AFF3: variants seen among roughly 807,000 people sequenced by gnomAD.
AFF3 encodes the protein AF4/FMR2 family member 3.
In AFF3, 32 loss-of-function variants were observed where a neutral mutation model predicts 129.7. The ratio of observed to expected loss-of-function variants is 0.25; its 90% CI spans 0.19 to 0.33. The LOEUF (loss-of-function observed/expected upper bound fraction) is 0.33. Among genes scored for constraint, AFF3 ranks in the 10% least tolerant of loss-of-function variants. The probability of loss-of-function intolerance (pLI) is 1.00; values close to 1 mark genes in which losing one functional copy is unlikely to be tolerated. For synonymous variants in AFF3, 644 were observed against 635.4 expected (o/e 1.01, Z -0.20); for missense variants, 1,373 against 1,592.0 (o/e 0.86, Z 2.34).
intron 7 of AFF3, among the ~76,000 whole-genome samples, chr2:99,897,211 A>T (rs1694038202): frequency 6.6e-6 from 1 of 152,196 alleles, no homozygotes; most frequent in South Asian, 2.1e-4. Context: ...GATAACAAAG[A>T]CCAATATTTA....
intron 12 of AFF3, 112 bp from the exon 13 acceptor site, chr2:99,649,778 G>T: frequency 8.3e-7 from 1 of 1,199,034 alleles, no homozygotes; most frequent in Non-Finnish European, 1.2e-6. Flanking sequence ...TTGCCATGTG[G>T]CCAAATTTTA....
intron 4 of AFF3, among the ~76,000 whole-genome samples, chr2:100,087,454 T>G (rs1319842786): frequency 2.0e-5 from 3 of 152,036 alleles, no homozygotes; most frequent in Non-Finnish European, 4.4e-5. Context: ...GAAATTACAT[T>G]ATGTGAGAAT....
At chr2:99,794,757 A>G (rs944573198) in intron 8 of AFF3, among the ~76,000 whole-genome samples, 1 of 152,152 alleles carries the variant, frequency 6.6e-6, no homozygotes. Flanking sequence ...TCTCTTCACT[A>G]CAGTCTAGAA....
chr2:100,024,490 C>T (rs529841108), intron 4 of AFF3, among the ~76,000 whole-genome samples: 1 of 151,714 alleles, frequency 6.6e-6, no homozygotes, highest in African/African-American at 2.4e-5. Flanking sequence ...CGCCTGTAAT[C>T]CCAGCTACTC....
intron 8 of AFF3, among the ~76,000 whole-genome samples, chr2:99,756,046 G>A (rs546852743): frequency 1.3e-5 from 2 of 152,304 alleles, no homozygotes; most frequent in Admixed American, 1.3e-4. Context: ...AGTAGGACAC[G>A]GACTTCTCTA....
chr2:99,908,757 A>G (rs1269068195), intron 7 of AFF3, among the ~76,000 whole-genome samples: 5 of 152,208 alleles, frequency 3.3e-5, no homozygotes, highest in African/African-American at 4.8e-5. Context: ...GAGAAATGCA[A>G]ATCAAAACCA....
intron 7 of AFF3, among the ~76,000 whole-genome samples, chr2:99,952,193 T>G (rs996283890): frequency 5.3e-5 from 8 of 152,152 alleles, no homozygotes; most frequent in Non-Finnish European, 1.0e-4. Context: ...CTGCTGTTCT[T>G]GTGACAGTGA....
At chr2:99,626,430 TCCC>T (rs1682570123) in intron 13 of AFF3, among the ~76,000 whole-genome samples, 1 of 94,452 alleles carries the variant, frequency 1.1e-5, no homozygotes, top group Admixed American at 1.3e-4. Flanking sequence ...TTCTCTCTCC[TCCC>T]TCCCTCTCCT....
Position 100,112,712 on chromosome 2 carries a change from A to C in AFF3, c.-144-7129T>G, listed in dbSNP as rs549836968. On this transcript the variant is annotated intron_variant, in intron 2 of 24. Transcript: ENST00000672756. Reference sequence around the variant, plus strand: ...CTCCAATGGAAGAAAAAAAGAAAGAAGCTGCACAATGGGAGGTAGAAAGCA... The same window carrying C: ...CTCCAATGGAAGAAAAAAAGAAAGACGCTGCACAATGGGAGGTAGAAAGCA... Among the ~76,000 whole-genome samples, 4 of 152,194 alleles carry C rather than the reference A, an allele frequency of 2.6e-5. No individual in the cohort carries two copies. In the South Asian group the frequency reaches 8.3e-4, roughly 32 times the overall value.
intron 2 of AFF3, among the ~76,000 whole-genome samples, chr2:100,117,589 A>T (rs992081161): frequency 9.9e-5 from 15 of 152,192 alleles, no homozygotes; most frequent in Admixed American, 5.2e-4. Context: ...TGACTCTTTT[A>T]CGTGGAGCGC....
chr2:100,055,652 T>C (rs1170962296), intron 4 of AFF3, among the ~76,000 whole-genome samples: 1 of 152,138 alleles, frequency 6.6e-6, no homozygotes, highest in Admixed American at 6.5e-5. Context: ...AAACTTTGTC[T>C]GTTAAAGAGC....
At chr2:100,029,194 A>G (rs1209309594) in intron 4 of AFF3, among the ~76,000 whole-genome samples, 1 of 152,198 alleles carries the variant, frequency 6.6e-6, no homozygotes, top group East Asian at 1.9e-4. Flanking sequence ...ATTTGGAGAC[A>G]GGGTCCCTAA....
intron 7 of AFF3, among the ~76,000 whole-genome samples, chr2:99,934,303 C>T (rs1174710761): frequency 6.6e-6 from 1 of 152,104 alleles, no homozygotes; most frequent in Non-Finnish European, 1.5e-5. Context: ...ACTGACCCGA[C>T]AAATGGGCAT....
chr2:99,951,426 ACAT>A (rs535227951), intron 7 of AFF3, among the ~76,000 whole-genome samples: 99 of 152,216 alleles, frequency 6.5e-4, no homozygotes, highest in South Asian at 2.7e-3. Context: ...ACTTTCACTG[ACAT>A]CATGAAATCC....
intron 8 of AFF3, among the ~76,000 whole-genome samples, chr2:99,819,458 A>G (rs1459744909): frequency 6.6e-6 from 1 of 152,240 alleles, no homozygotes; most frequent in Non-Finnish European, 1.5e-5. Context: ...AGTTATTTTA[A>G]CAAGAATAAT....
intron 7 of AFF3, among the ~76,000 whole-genome samples, chr2:99,865,651 AAAG>A (rs1691334570): frequency 6.6e-6 from 1 of 152,244 alleles, no homozygotes; most frequent in South Asian, 2.1e-4. Context: ...GGGAGCCATC[AAAG>A]AAGCAAGTTG....
At chr2:99,740,224 T>G (rs1237173074) in intron 10 of AFF3, among the ~76,000 whole-genome samples, 2 of 150,668 alleles carry the variant, frequency 1.3e-5, no homozygotes, top group Non-Finnish European at 3.0e-5. Flanking sequence ...GTTGGACATT[T>G]GGGTTGGTTC....
intron 7 of AFF3, among the ~76,000 whole-genome samples, chr2:99,863,970 A>G (rs17436594): frequency 0.029 from 4,455 of 152,356 alleles, 80 homozygotes; most frequent in Non-Finnish European, 0.041. Context: ...AGAAGCAGAC[A>G]TAACCATCTA....
rs1215763566 is a variant in AFF3 at position 99,915,101 on chromosome 2, G to A, written c.874-77577C>T. Among the ~76,000 whole-genome samples, 8 of 151,866 alleles carry A rather than the reference G, an allele frequency of 5.3e-5. No homozygotes were observed. In the East Asian group the frequency reaches 1.5e-3, roughly 29 times the overall value. ...AGGGAATCTGAATGAAAGGTGTAAG[G>A]GAATTCTTTGACTCTTCTTATTATA... On this transcript the variant is annotated intron_variant, in intron 7 of 24. Coordinates refer to ENST00000672756, the MANE Select transcript of AFF3 (RefSeq NM_001386135.1).
Sources: allele counts gnomAD v4.1 joint callset (sites outside exome capture counted in the v4.1 genomes callset), GRCh38; gene constraint gnomAD v4.1.1; transcripts MANE v1.5; gene names NCBI Gene and HGNC (gene_info 2026-07-23, HGNC 2026-07-21).